Variants in PPARGC1A observed in about 807,000 individuals in gnomAD.
The protein encoded by PPARGC1A is peroxisome proliferator-activated receptor gamma coactivator 1-alpha.
Under a neutral mutation model 88.7 loss-of-function variants are expected in PPARGC1A, and 25 were observed. The ratio of observed to expected loss-of-function variants is 0.28; its 90% CI spans 0.21 to 0.39. The LOEUF (loss-of-function observed/expected upper bound fraction) is 0.39, where lower values mean the gene tolerates loss of function less well. PPARGC1A is among the 10% of genes least tolerant of loss of function. The pLI is 1.00. For synonymous variants in PPARGC1A, 363 were observed against 355.6 expected, an observed-to-expected ratio of 1.02 and a Z score of -0.24; for missense variants, 880 against 968.7, an observed-to-expected ratio of 0.91 and a Z score of 1.22.
At chr4:24,305,371 T>C in the PPARGC1A span, among the ~76,000 whole-genome samples, 3,367 of 152,212 alleles carry the variant, frequency 0.022, 128 homozygotes, top group African/African-American at 0.075. Context: ...ATTCACTATC[T>C]GTGTGACTTT....
At chr4:24,044,818 A>G in the PPARGC1A span, among the ~76,000 whole-genome samples, 7 of 152,204 alleles carry the variant, frequency 4.6e-5, no homozygotes, top group African/African-American at 9.6e-5. Flanking sequence ...CAACACCCAA[A>G]GAAACATTTT....
the PPARGC1A span, among the ~76,000 whole-genome samples, chr4:24,096,884 G>C: frequency 6.6e-6 from 1 of 152,162 alleles, no homozygotes; most frequent in Admixed American, 6.5e-5. Context: ...TATACAAAGT[G>C]CATCAGTCAG....
the PPARGC1A span, among the ~76,000 whole-genome samples, chr4:23,973,674 C>G: frequency 4.6e-5 from 7 of 152,192 alleles, no homozygotes; most frequent in African/African-American, 1.7e-4. Context: ...GTAACTCCCT[C>G]CCTCCAGATG....
At chr4:24,311,468 T>C in the PPARGC1A span, among the ~76,000 whole-genome samples, 1 of 10,274 alleles carries the variant, frequency 9.7e-5, no homozygotes, top group South Asian at 0.1. Context: ...ACCCCATCTC[T>C]ACTAAAAAAA....
At chr4:24,052,272 G>A in the PPARGC1A span, among the ~76,000 whole-genome samples, 1 of 152,172 alleles carries the variant, frequency 6.6e-6, no homozygotes, top group African/African-American at 2.4e-5. Flanking sequence ...AATGAGTGAA[G>A]GAAGTGTTTA....
the PPARGC1A span, among the ~76,000 whole-genome samples, chr4:24,328,413 T>A: frequency 6.6e-6 from 1 of 152,252 alleles, no homozygotes; most frequent in African/African-American, 2.4e-5. Flanking sequence ...TTAGGTTCAG[T>A]CCCATTTGAT....
the PPARGC1A span, among the ~76,000 whole-genome samples, chr4:24,305,681 A>G: frequency 6.6e-6 from 1 of 152,152 alleles, no homozygotes; most frequent in African/African-American, 2.4e-5. Flanking sequence ...ATGTGGTGGC[A>G]CATGTCTGTA....
the PPARGC1A span, among the ~76,000 whole-genome samples, chr4:24,450,405 A>G: frequency 6.6e-6 from 1 of 152,228 alleles, no homozygotes; most frequent in African/African-American, 2.4e-5. Flanking sequence ...GAGGATTAGT[A>G]ATGTGCAGAG....
At chr4:24,339,217 TATATATATATATATATATATACAC>T in the PPARGC1A span, among the ~76,000 whole-genome samples, 1 of 28,924 alleles carries the variant, frequency 3.5e-5, no homozygotes, top group African/African-American at 8.0e-5. Context: ...TGTGTGTATA[TATATATATATATATATATATACAC>T]ACACACACAC....
At chr4:24,281,995 G>C in the PPARGC1A span, among the ~76,000 whole-genome samples, 1 of 152,132 alleles carries the variant, frequency 6.6e-6, no homozygotes, top group African/African-American at 2.4e-5. Context: ...TTCTAACACA[G>C]ATCTTCTGAT....
At chr4:24,381,379 A>G in the PPARGC1A span, among the ~76,000 whole-genome samples, 15 of 152,364 alleles carry the variant, frequency 9.8e-5, no homozygotes, top group South Asian at 8.3e-4. Flanking sequence ...CACCAAAATT[A>G]GAAGTAAACA....
chr4:23,867,141 C>T (rs1712196319), intron 2 of PPARGC1A, among the ~76,000 whole-genome samples: 1 of 152,170 alleles, frequency 6.6e-6, no homozygotes, highest in African/African-American at 2.4e-5. Flanking sequence ...AATTTCCTCT[C>T]TTCTCACCCT....
At chr4:24,315,103 A>C in the PPARGC1A span, among the ~76,000 whole-genome samples, 1 of 151,992 alleles carries the variant, frequency 6.6e-6, no homozygotes, top group Admixed American at 6.5e-5. Context: ...GCTTTTCCAC[A>C]CCCATCTTAA....
chr4:23,793,608 T>C lies in PPARGC1A; in HGVS notation c.*2214A>G, dbSNP rs1170900617. ...CAGAAAAGTCATGTCAGCCAAACAG[T>C]AATCGAATCTCAATTTAGAAACTTG... On this transcript the variant is annotated 3_prime_UTR_variant, in exon 13 of 13. Transcript: ENST00000264867. The C allele has an allele frequency of 1.3e-5, 2 of 152,224 alleles. No homozygotes were observed. Among genetic ancestry groups the C allele is most frequent in the Non-Finnish European group, 1.5e-5 (1 of 68,016 alleles). The allele number at this position is 152,224 out of a possible 1,614,324, so 9.4% of individuals were successfully genotyped here. A position where few individuals can be genotyped will look rare whatever the true frequency, so the allele number is the denominator to read the frequency against.
At chr4:24,217,385 C>T in the PPARGC1A span, among the ~76,000 whole-genome samples, 8 of 152,288 alleles carry the variant, frequency 5.3e-5, no homozygotes, top group East Asian at 5.8e-4. Flanking sequence ...GCCCCAAAGA[C>T]ACTAGAATGT....
At chr4:24,320,252 A>T in the PPARGC1A span, among the ~76,000 whole-genome samples, 1 of 152,212 alleles carries the variant, frequency 6.6e-6, no homozygotes, top group African/African-American at 2.4e-5. Context: ...TAAAATTACC[A>T]TCTATCTTCT....
chr4:23,914,408 T>C, the PPARGC1A span, among the ~76,000 whole-genome samples: 1 of 152,228 alleles, frequency 6.6e-6, no homozygotes, highest in East Asian at 1.9e-4. Flanking sequence ...AATCAGCATA[T>C]AGTGTCTGTC....
chr4:24,276,934 G>A, the PPARGC1A span, among the ~76,000 whole-genome samples: 8 of 152,278 alleles, frequency 5.3e-5, no homozygotes, highest in South Asian at 2.1e-4. Context: ...AATATCAAGC[G>A]TCAGGCACCT....
chr4:24,063,392 G>A, the PPARGC1A span, among the ~76,000 whole-genome samples: 4 of 152,130 alleles, frequency 2.6e-5, no homozygotes, highest in Non-Finnish European at 5.9e-5. Context: ...TAAACAAAGG[G>A]CATTCTCCCA....
Sources: gnomAD v4.1 joint callset for allele counts (sites outside exome capture counted in the v4.1 genomes callset) on GRCh38, gnomAD v4.1.1 for gene constraint, MANE v1.5 for transcripts, NCBI Gene and HGNC (gene_info 2026-07-23, HGNC 2026-07-21) for gene names.